USP3: variants seen among roughly 807,000 people sequenced by gnomAD.
USP3 encodes the protein ubiquitin specific peptidase 3.
A neutral mutation model predicts 72.3 loss-of-function variants in USP3; 20 were observed. The observed-to-expected ratio is 0.28, with a 90% CI of 0.19 to 0.40. The LOEUF (loss-of-function observed/expected upper bound fraction) is 0.40. Ranked by LOEUF, USP3 falls within the 10% of genes least tolerant of loss-of-function variation. The pLI is 1.00. For synonymous variants in USP3, 222 were observed against 225.3 expected (o/e 0.99, Z 0.13); for missense variants, 479 against 633.9 (o/e 0.76, Z 2.62).
chr15:63,592,933 T>C lies in USP3; in HGVS notation c.*2107T>C, dbSNP rs2067231313. 6.6e-6 allele frequency: 1 copy of C among 152,142 alleles called. No homozygotes were observed. Among genetic ancestry groups the C allele is most frequent in the Non-Finnish European group, 1.5e-5 (1 of 68,026 alleles). 9.4% of individuals were successfully genotyped at this position (152,142 alleles called of 1,614,324 possible). ...ACACTTTAACATGACAAGGAGCAAA[T>C]TACAATTATGTGTAAACTTATATCA... On this transcript the variant is annotated 3_prime_UTR_variant, in exon 15 of 15. Transcript: ENST00000380324.
chr15:63,570,443 C>T lies in USP3; in HGVS notation c.772C>T (p.Gln258Ter). 1 of 1,614,200 alleles carries T rather than the reference C, an allele frequency of 6.2e-7. No homozygotes were observed. The highest frequency in any genetic ancestry group is 8.5e-7 in the Non-Finnish European group (1 of 1,180,042). ...KIMPNFRGYQ[Q>*]QDAHEFMRYL... Reference sequence around the variant, plus strand: ...GTTTGTTTGCTTTAGGGGCTATCAACAGCAGGACGCCCATGAATTCATGCG... The same window carrying T: ...GTTTGTTTGCTTTAGGGGCTATCAATAGCAGGACGCCCATGAATTCATGCG... Residue 258 changes from glutamine to a stop codon, truncating the protein, a stop_gained, in exon 9 of 15, where the codon CAG becomes TAG. Transcript: ENST00000380324. LOFTEE classifies it high-confidence loss of function. This position sits in a 1 kb window ranked among gnomAD's most constrained non-coding sequence, Gnocchi z 4.4.
At chr15:63,559,357 A>T (rs952823807) in intron 6 of USP3, among the ~76,000 whole-genome samples, 4 of 152,230 alleles carry the variant, frequency 2.6e-5, no homozygotes, top group Non-Finnish European at 5.9e-5. Flanking sequence ...TACATTGCTG[A>T]TAAGAAGCAG....
chr15:63,573,788 A>G (rs2066818029), intron 9 of USP3, among the ~76,000 whole-genome samples: 1 of 152,210 alleles, frequency 6.6e-6, no homozygotes, highest in South Asian at 2.1e-4. Flanking sequence ...GCAAATGGCC[A>G]GTGTTAGTTA....
At chr15:63,542,391 A>G (rs2066257489) in intron 3 of USP3, among the ~76,000 whole-genome samples, 1 of 152,088 alleles carries the variant, frequency 6.6e-6, no homozygotes, top group Non-Finnish European at 1.5e-5. Context: ...TATTAATGTT[A>G]TAAACTTTCA....
Position 63,592,612 on chromosome 15 carries a change from T to A in USP3, c.*1786T>A, listed in dbSNP as rs2067225486. The A allele has an allele frequency of 6.6e-6, 1 of 151,812 alleles. No individual in the cohort carries two copies. Among genetic ancestry groups the A allele is most frequent in the Admixed American group, 6.6e-5 (1 of 15,236 alleles). The allele number at this position is 151,812 out of a possible 1,614,324, so 9.4% of individuals were successfully genotyped here. ...ACCACACCCAGCTAATTTTTAATAT[T>A]TTTACTAGAGATGGGGTTTCACCAC... is the stretch of plus-strand genomic sequence containing the variant. On this transcript the variant is annotated 3_prime_UTR_variant, in exon 15 of 15. Coordinates refer to ENST00000380324, the MANE Select transcript of USP3 (RefSeq NM_006537.4).
rs565463535 is a variant in USP3, at chr15:63,543,349, A to C, written c.284+6193A>C. 7.9e-5 allele frequency among the ~76,000 whole-genome samples: 12 copies of C among 152,296 alleles called. No individual in the cohort carries two copies. In the South Asian group the frequency reaches 2.5e-3, roughly 32 times the overall value. ...AATAAGTAACATTTTTTGAGAAGCT[A>C]CTATGTGCTAGGGACCTAGTTTTTA... On this transcript the variant is annotated intron_variant, in intron 3 of 14. Transcript: ENST00000380324.
intron 9 of USP3, among the ~76,000 whole-genome samples, chr15:63,573,752 T>A (rs1177373346): frequency 2.0e-5 from 3 of 152,078 alleles, no homozygotes; most frequent in African/African-American, 4.8e-5. Context: ...CTGTGCAGAG[T>A]CATGCATGTG....
intron 3 of USP3, among the ~76,000 whole-genome samples, chr15:63,538,844 A>G (rs2066200013): frequency 6.6e-6 from 1 of 152,000 alleles, no homozygotes; most frequent in Non-Finnish European, 1.5e-5. Flanking sequence ...AACACCATTA[A>G]ATTTTGGCTA....
chr15:63,512,358 CTTCTTCT>C (rs372421266), intron 1 of USP3, among the ~76,000 whole-genome samples: 2,437 of 107,422 alleles, frequency 0.023, 53 homozygotes, highest in African/African-American at 0.064. Context: ...TCTTCCTCTT[CTTCTTCT>C]TTCTTCTTTC....
chr15:63,541,613 T>C (rs1362646528), intron 3 of USP3, among the ~76,000 whole-genome samples: 3 of 152,166 alleles, frequency 2.0e-5, no homozygotes, highest in African/African-American at 7.2e-5. Flanking sequence ...GGTATTCTTC[T>C]AATTTTCCAT....
chr15:63,574,491 A>G lies in USP3; in HGVS notation c.1096+88A>G. On this transcript the variant is annotated intron_variant, in intron 11 of 14. Transcript: ENST00000380324. The surrounding 1 kb of genome is among the most constrained non-coding windows in gnomAD (Gnocchi z 4.6). ...TCATCTATATGTGGTATCTTTAATT[A>G]ATATCTTTAATGAATCTGTGTTGTA... 1.0e-6 allele frequency: 1 copy of G among 952,450 alleles called. No homozygotes were observed. Among genetic ancestry groups the G allele is most frequent in the Non-Finnish European group, 1.5e-6 (1 of 664,686 alleles). 59.0% of individuals were successfully genotyped at this position (952,450 alleles called of 1,614,324 possible). A position where few individuals can be genotyped will look rare whatever the true frequency, so the allele number is the denominator to read the frequency against.
At chr15:63,521,985 A>C (rs1030507514) in intron 1 of USP3, among the ~76,000 whole-genome samples, 10 of 152,174 alleles carry the variant, frequency 6.6e-5, no homozygotes, top group Non-Finnish European at 8.8e-5. Context: ...TTTGTTGCCC[A>C]GGCTGGAGTG....
At chr15:63,551,886 C>G (rs557623032) in intron 3 of USP3, 21 of 152,290 alleles carry the variant, frequency 1.4e-4, no homozygotes, top group African/African-American at 4.8e-4. Context: ...CCTGGAAGAA[C>G]AGAGCAAGTC....
At chr15:63,536,454 G>GAA (rs11406191) in intron 2 of USP3, among the ~76,000 whole-genome samples, 65 of 141,104 alleles carry the variant, frequency 4.6e-4, no homozygotes, top group South Asian at 1.1e-3. Context: ...TGGTCTGAGA[G>GAA]AAAAAAAAAA....
chr15:63,584,500 TCTCA>T (rs2067023194), intron 11 of USP3, among the ~76,000 whole-genome samples: 1 of 152,232 alleles, frequency 6.6e-6, no homozygotes, highest in South Asian at 2.1e-4. Context: ...TGAAGTAGTA[TCTCA>T]CTATGGTTTT....
chr15:63,570,522 C>T lies in USP3; in HGVS notation c.851C>T (p.Ser284Phe), dbSNP rs34080979. 8.9e-4 allele frequency: 1,434 copies of T among 1,614,174 alleles called. 11 individuals are homozygous for T. Among genetic ancestry groups the T allele is most frequent in the South Asian group, 6.1e-3 (560 of 91,084 alleles). The part of the protein sequence containing the change: ...LELQGGFNGV[S>F]RSAILQENST... ...CTTCAGGGCGGTTTCAACGGTGTTT[C>T]CCGCTCAGCAATTCTGCAGGAGAAT... The change falls in exon 9 of 15, where the codon TCC becomes TTC. Residue 284 changes from serine (S) to phenylalanine (F), a missense_variant. Transcript: ENST00000380324. This position sits in a 1 kb window ranked among gnomAD's most constrained non-coding sequence, Gnocchi z 4.4.
intron 2 of USP3, among the ~76,000 whole-genome samples, chr15:63,535,949 GGAA>G (rs1247075650): frequency 2.0e-5 from 3 of 152,194 alleles, no homozygotes; most frequent in African/African-American, 7.2e-5. Context: ...CTGCTTTCTA[GGAA>G]CTGGGAAATG....
chr15:63,547,888 G>GAGAGAGAGAGAGAGAGAGAT (rs1555446525), intron 3 of USP3, among the ~76,000 whole-genome samples: 1 of 73,236 alleles, frequency 1.4e-5, no homozygotes. Flanking sequence ...GAGAGAGAGA[G>GAGAGAGAGAGAGAGAGAGAT]AGAGAGAGGC....
rs1454875718 is a variant in USP3 at position 63,590,729 on chromosome 15, C to G, written c.1466C>G (p.Thr489Ser). ...CGCTGGTTCCACTTCAATGACAGTA[C>G]TGTAACACTGACTGACGAGGAGACT... ...EGRWFHFNDS[T>S]VTLTDEETVV... is the part of the protein sequence containing the mutation. The change falls in exon 15 of 15, where the codon ACT becomes AGT. Residue 489 changes from threonine (T) to serine (S), a missense_variant. Coordinates refer to ENST00000380324, the MANE Select transcript of USP3 (RefSeq NM_006537.4). The G allele has an allele frequency of 6.2e-7, 1 of 1,614,174 alleles. No individual in the cohort carries two copies. The highest frequency in any genetic ancestry group is 1.1e-5 in the South Asian group (1 of 91,070).
Sources: allele counts gnomAD v4.1 joint callset (sites outside exome capture counted in the v4.1 genomes callset), GRCh38; gene constraint gnomAD v4.1.1; non-coding constraint Gnocchi (gnomAD v3.1); transcripts MANE v1.5; gene names NCBI Gene and HGNC (gene_info 2026-07-23, HGNC 2026-07-21).